C22orf42: variants seen among roughly 807,000 people sequenced by gnomAD.
C22orf42 encodes the protein chromosome 22 open reading frame 42.
A neutral mutation model predicts 31.4 loss-of-function variants in C22orf42; 24 were observed. The observed-to-expected ratio is 0.77, with a 90% CI of 0.55 to 1.08. C22orf42 has a LOEUF of 1.08. Among genes scored for constraint, C22orf42 ranks in the 50% least tolerant of loss-of-function variants. The pLI is 0.00. For missense variants in C22orf42, 276 were observed against 327.3 expected (o/e 0.84, Z 1.21); for synonymous variants, 96 against 112.7 (o/e 0.85, Z 0.94).
At chr22:32,151,864 G>T (rs1182849135) in intron 4 of C22orf42, among the ~76,000 whole-genome samples, 1 of 149,156 alleles carries the variant, frequency 6.7e-6, no homozygotes, top group African/African-American at 2.5e-5. Context: ...TAGATCCAGG[G>T]GTGTGGGAGT....
Position 32,152,549 on chromosome 22 carries a change from A to G in C22orf42, c.372+13T>C. On this transcript the variant is annotated intron_variant, in intron 3 of 8. Coordinates refer to ENST00000382097, the MANE Select transcript of C22orf42 (RefSeq NM_001010859.3). ...AAAAGCATTTCTCTTCCAGAGAAAG[A>G]AATACATCTTACAATATCTGATGTC... is the stretch of plus-strand genomic sequence containing the variant. 2 of 1,597,558 alleles carry G rather than the reference A, an allele frequency of 1.3e-6. No individual in the cohort carries two copies. Among genetic ancestry groups the G allele is most frequent in the Non-Finnish European group, 1.7e-6 (2 of 1,165,868 alleles).
In C22orf42 at chr22:32,152,617, T is replaced by A; in HGVS notation, c.317A>T (p.Glu106Val). The A allele has an allele frequency of 6.2e-7, 1 of 1,613,820 alleles. No individual in the cohort carries two copies. The highest frequency in any genetic ancestry group is 8.5e-7 in the Non-Finnish European group (1 of 1,179,704). Residue 106 changes from glutamate to valine, a missense_variant, in exon 3 of 9, where the codon GAA becomes GTA. Glu to Val is a moderately radical substitution (Grantham distance 121). Transcript: ENST00000382097. ...IWPLENIGPTEDVQASAHGGV... is the reference protein window; with the variant it reads ...IWPLENIGPTVDVQASAHGGV... Reference sequence around the variant, plus strand: ...GCCGTGTGCAGACGCCTGCACATCTTCAGTGGGACCTAGGAGAACACAGAG... The same window carrying A: ...GCCGTGTGCAGACGCCTGCACATCTACAGTGGGACCTAGGAGAACACAGAG...
In C22orf42 at chr22:32,150,331, C is replaced by A. The variant is rs747109528; in HGVS notation, c.642G>T (p.Met214Ile). The change falls in exon 7 of 9, where the codon ATG (methionine) becomes ATT (isoleucine). Residue 214 changes from methionine (M) to isoleucine (I), a missense_variant. Coordinates refer to ENST00000382097, the MANE Select transcript of C22orf42 (RefSeq NM_001010859.3). The part of the protein sequence containing the change: ...ESLSVSLEDL[M>I]TPEMAKERYE... ...AAATGCATCTTACCATCTCCGGTGT[C>A]ATGAGGTCTTCAAGAGAGACAGATA... 4 of 1,614,028 alleles carry A rather than the reference C, an allele frequency of 2.5e-6. No homozygotes were observed. In the South Asian group the frequency reaches 4.4e-5, roughly 18 times the overall value.
At position 32,150,487 on chromosome 22, in the gene C22orf42, A is replaced by AAC; in HGVS notation, c.494-10_494-9dup. ...TGAGATCTTCGACCAAATCTAGGAG[A>AAC]ACATAGTGACAGTCAGTGCATTGGT... On this transcript the variant is annotated splice_polypyrimidine_tract_variant and intron_variant, in intron 6 of 8. Coordinates refer to ENST00000382097, the MANE Select transcript of C22orf42 (RefSeq NM_001010859.3). 1.2e-6 allele frequency: 2 copies of AAC among 1,614,076 alleles called. No individual in the cohort carries two copies. The highest frequency in any genetic ancestry group is 1.7e-6 in the Non-Finnish European group (2 of 1,179,960).
intron 5 of C22orf42, among the ~76,000 whole-genome samples, 158 bp downstream of exon 5, chr22:32,151,329 G>A (rs565059219): frequency 2.9e-4 from 44 of 152,300 alleles, no homozygotes; most frequent in African/African-American, 9.6e-4. Context: ...TCGTCAATCA[G>A]GCCTCAGTTG....
At chr22:32,156,447 C>T (rs1921264266) in intron 1 of C22orf42, among the ~76,000 whole-genome samples, 1 of 142,848 alleles carries the variant, frequency 7.0e-6, no homozygotes, top group Non-Finnish European at 1.5e-5. Context: ...AGTTAACATC[C>T]TTTGGAAAAC....
At chr22:32,155,059 G>T (rs1921189622) in intron 1 of C22orf42, among the ~76,000 whole-genome samples, 2 of 152,200 alleles carry the variant, frequency 1.3e-5, no homozygotes, top group African/African-American at 4.8e-5. Flanking sequence ...GACGTTTTGA[G>T]TGACTTGCCC....
intron 1 of C22orf42, among the ~76,000 whole-genome samples, chr22:32,155,166 C>T (rs1174055912): frequency 6.6e-6 from 1 of 152,090 alleles, no homozygotes; most frequent in East Asian, 1.9e-4. Context: ...TAGATCATGC[C>T]CTGGACCCTG....
chr22:32,151,993 CTTACG>C, intron 4 of C22orf42, 69 bp downstream of exon 4: 1 of 1,431,742 alleles, frequency 7.0e-7, no homozygotes. Flanking sequence ...CGCTGAATCA[CTTACG>C]TTAAATGAGT....
chr22:32,159,131 C>T lies in C22orf42; in HGVS notation c.85G>A (p.Glu29Lys). Residue 29 changes from glutamate to lysine, a missense_variant, in exon 1 of 9, where the codon GAG becomes AAG. Transcript: ENST00000382097. Reference sequence around the variant, plus strand: ...GCCACAGTCTCAGGAATCTCACACTCATGGCAGGGTCCCACATCTGGCCTG... The same window carrying T: ...GCCACAGTCTCAGGAATCTCACACTTATGGCAGGGTCCCACATCTGGCCTG... Reference protein sequence around the residue: ...CCRPDVGPCHECEIPETVAAT... With the variant: ...CCRPDVGPCHKCEIPETVAAT... 6.2e-7 allele frequency: 1 copy of T among 1,614,208 alleles called. No homozygotes were observed. The highest frequency in any genetic ancestry group is 8.5e-7 in the Non-Finnish European group (1 of 1,180,040).
At chr22:32,150,033 T>C (rs2094109831) in intron 7 of C22orf42, 3 of 497,992 alleles carry the variant, frequency 6.0e-6, no homozygotes, top group Non-Finnish European at 1.1e-5. Context: ...AGAAATATGC[T>C]CACTACCAGA....
At chr22:32,149,808 G>A (rs772174648) in intron 7 of C22orf42, 28 bp from the exon 8 acceptor site, 8 of 1,485,972 alleles carry the variant, frequency 5.4e-6, no homozygotes. Context: ...AAAACGCCAT[G>A]AGGATCGGAT....
upstream of C22orf42, chr22:32,159,554 A>T (rs1921484141): frequency 4.8e-6 from 5 of 1,043,428 alleles, no homozygotes; most frequent in Admixed American, 4.5e-5. Context: ...GGAGGTTGTT[A>T]TTGGAAGTCA....
rs201242806 is a variant in C22orf42 at position 32,158,451 on chromosome 22, AT to A, written c.232+532del. ...GCAGTCATTTGAAGCATGTCCCCCAATTTTTTTTCCTTCTTTCTTCAAATTA... is the reference window on the plus strand; with the variant it reads ...GCAGTCATTTGAAGCATGTCCCCCAATTTTTTTCCTTCTTTCTTCAAATTA... On this transcript the variant is annotated intron_variant, in intron 1 of 8. Transcript: ENST00000382097. Among the ~76,000 whole-genome samples the A allele has an allele frequency of 7.9e-5, 12 of 152,018 alleles. No homozygotes were observed. The East Asian group carries it at 1.3e-3, about 17-fold the overall frequency.
In C22orf42 at chr22:32,150,577, G is replaced by T. The variant is rs562865685; in HGVS notation, c.494-98C>A. The T allele has an allele frequency of 6.2e-6, 8 of 1,293,880 alleles. No homozygotes were observed. The East Asian group carries it at 1.4e-4, about 23-fold the overall frequency. The allele number at this position is 1,293,880 out of a possible 1,614,324, so 80.1% of individuals were successfully genotyped here. A position where few individuals can be genotyped will look rare whatever the true frequency, so the allele number is the denominator to read the frequency against. ...ACCAGGGCTGGATCATGTGCAGGTG[G>T]GCGGTTGACAGGCATGGACTGAGCT... On this transcript the variant is annotated intron_variant, in intron 6 of 8. Coordinates refer to ENST00000382097, the MANE Select transcript of C22orf42 (RefSeq NM_001010859.3).
chr22:32,150,664 A>G, intron 6 of C22orf42, 185 bp from the exon 7 acceptor site: 1 of 650,296 alleles, frequency 1.5e-6, no homozygotes, highest in African/African-American at 1.8e-5. Flanking sequence ...AAAGAAATGA[A>G]AGAGCCTTGG....
chr22:32,152,242 T>C (rs1217633252), intron 3 of C22orf42, 148 bp from the exon 4 acceptor site: 3 of 942,130 alleles, frequency 3.2e-6, no homozygotes, highest in Non-Finnish European at 3.3e-6. Flanking sequence ...GCATAGAGGA[T>C]GCTTGTGGAA....
At chr22:32,154,182 A>G in intron 2 of C22orf42, 62 bp downstream of exon 2, 2 of 1,590,306 alleles carry the variant, frequency 1.3e-6, no homozygotes, top group South Asian at 2.3e-5. Flanking sequence ...AATATGGAGC[A>G]CTGAATGAAT....
intron 1 of C22orf42, among the ~76,000 whole-genome samples, chr22:32,156,165 AT>A (rs944132420): frequency 1.1e-4 from 16 of 152,370 alleles, no homozygotes; most frequent in African/African-American, 3.6e-4. Context: ...AAGAGGTAGT[AT>A]CCAAAGCAGC....
Sources: allele counts gnomAD v4.1 joint callset (sites outside exome capture counted in the v4.1 genomes callset), GRCh38; gene constraint gnomAD v4.1.1; transcripts MANE v1.5; gene names NCBI Gene and HGNC (gene_info 2026-07-23, HGNC 2026-07-21).